Variants in NLRP3 observed in about 807,000 individuals in gnomAD.
NLRP3 encodes the protein NACHT, LRR and PYD domains-containing protein 3.
NLRP3 carries 48 observed loss-of-function variants against 91.3 expected under a neutral mutation model. The ratio of observed to expected loss-of-function variants is 0.53; its 90% CI spans 0.42 to 0.67. The LOEUF (loss-of-function observed/expected upper bound fraction) is 0.67. Ranked by LOEUF, NLRP3 falls within the 30% of genes least tolerant of loss-of-function variation. The pLI, the probability that NLRP3 is intolerant of heterozygous loss-of-function variation, is 0.00. For missense variants in NLRP3, 982 were observed against 1,276.9 expected (o/e 0.77, Z 3.52); for synonymous variants, 561 against 507.9 (o/e 1.10, Z -1.41).
chr1:247,436,608 T>C (rs979389720), intron 7 of NLRP3, among the ~76,000 whole-genome samples: 1 of 152,166 alleles, frequency 6.6e-6, no homozygotes, highest in African/African-American at 2.4e-5. Flanking sequence ...CCTTCACCTA[T>C]GTAGCCATGC....
intron 9 of NLRP3, among the ~76,000 whole-genome samples, chr1:247,445,924 A>C (rs1327102676): frequency 6.6e-6 from 1 of 152,098 alleles, no homozygotes; most frequent in Non-Finnish European, 1.5e-5. Context: ...TGGCCTCCAG[A>C]TTATATGTCC....
chr1:247,447,266 G>A (rs1224630626), intron 9 of NLRP3, among the ~76,000 whole-genome samples: 1 of 152,136 alleles, frequency 6.6e-6, no homozygotes, highest in African/African-American at 2.4e-5. Context: ...TTATGTGATT[G>A]CATGGAGGGA....
At chr1:247,419,144 T>A in intron 2 of NLRP3, 67 bp downstream of exon 2, 1 of 966,862 alleles carries the variant, frequency 1.0e-6, no homozygotes, top group Non-Finnish European at 1.4e-6. Context: ...TTTTCCATCT[T>A]TATATATATA....
At chr1:247,438,529 G>T (rs781215695) in intron 7 of NLRP3, among the ~76,000 whole-genome samples, 1 of 152,072 alleles carries the variant, frequency 6.6e-6, no homozygotes, top group Non-Finnish European at 1.5e-5. Flanking sequence ...GACTACAGGT[G>T]TGCACTGCCA....
At position 247,424,328 on chromosome 1, in the gene NLRP3, C is replaced by T. The variant is rs375738049; in HGVS notation, c.879C>T (p.Ser293=). The T allele has an allele frequency of 6.2e-7, 1 of 1,614,038 alleles. No homozygotes were observed. The highest frequency in any genetic ancestry group is 1.3e-5 in the African/African-American group (1 of 74,926). The stretch of plus-strand genomic sequence containing the variant: ...TCCACAAGATCGTGAGAAAACCCTC[C>T]AGAATCCTCTTCCTCATGGACGGCT... ...PPIHKIVRKP[S]RILFLMDGFD... Residue 293 remains serine, a synonymous_variant, in exon 4 of 10, where the codon TCC becomes TCT. Transcript: ENST00000336119. The surrounding 1 kb of genome is among the most constrained non-coding windows in gnomAD (Gnocchi z 8.1).
At chr1:247,437,757 G>C (rs1663898401) in intron 7 of NLRP3, among the ~76,000 whole-genome samples, 1 of 152,222 alleles carries the variant, frequency 6.6e-6, no homozygotes, top group Admixed American at 6.5e-5. Context: ...CTGTGTATAA[G>C]AGCTATAAGA....
intron 9 of NLRP3, among the ~76,000 whole-genome samples, chr1:247,447,097 T>C (rs2103252775): frequency 6.6e-6 from 1 of 152,284 alleles, no homozygotes; most frequent in African/African-American, 2.4e-5. Context: ...ATCAACCCGT[T>C]TTCTCAGGCT....
At chr1:247,433,424 C>T (rs965736980) in intron 5 of NLRP3, among the ~76,000 whole-genome samples, 16 of 152,286 alleles carry the variant, frequency 1.1e-4, no homozygotes, top group African/African-American at 3.9e-4. Flanking sequence ...CCCACACCGC[C>T]CGCTTCACTT....
At chr1:247,423,198 CT>C in intron 2 of NLRP3, 31 bp from the exon 3 acceptor site, 25 of 1,613,650 alleles carry the variant, frequency 1.5e-5, no homozygotes, top group Non-Finnish European at 2.1e-5. Flanking sequence ...GATAATAGTT[CT>C]GGGTTTTGAC....
chr1:247,445,392 G>C (rs1664521972), intron 9 of NLRP3, among the ~76,000 whole-genome samples: 1 of 151,978 alleles, frequency 6.6e-6, no homozygotes, highest in Non-Finnish European at 1.5e-5. Context: ...AGTAGAGTTG[G>C]GGTTTCACTG....
intron 7 of NLRP3, among the ~76,000 whole-genome samples, chr1:247,441,535 A>C (rs577783928): frequency 6.6e-6 from 1 of 152,322 alleles, no homozygotes; most frequent in Admixed American, 6.5e-5. Context: ...TTCAGTTTTC[A>C]TTATGAGACA....
intron 4 of NLRP3, among the ~76,000 whole-genome samples, chr1:247,427,391 A>G (rs1662969248): frequency 1.3e-5 from 2 of 152,250 alleles, no homozygotes; most frequent in African/African-American, 4.8e-5. Flanking sequence ...CTACTCATTA[A>G]GAGTGAGGTG....
At chr1:247,419,728 C>T (rs35817441) in intron 2 of NLRP3, among the ~76,000 whole-genome samples, 2 of 152,208 alleles carry the variant, frequency 1.3e-5, no homozygotes, top group Non-Finnish European at 2.9e-5. Context: ...CCGGGTTCAA[C>T]TATGTTGTAG....
At position 247,431,639 on chromosome 1, in the gene NLRP3, C is replaced by T. The variant is rs139523098; in HGVS notation, c.2321+1884C>T. Among the ~76,000 whole-genome samples, 841 of 152,296 alleles carry T rather than the reference C, an allele frequency of 5.5e-3. 3 individuals carry two copies. The highest frequency in any genetic ancestry group is 9.3e-3 in the Non-Finnish European group (634 of 68,034). On this transcript the variant is annotated intron_variant, in intron 5 of 9. Transcript: ENST00000336119. ...CTTAGTACCCATCAGTGGTCAAAAG[C>T]ACGCACTGAATGAATGTTGGCTCTT...
intron 7 of NLRP3, among the ~76,000 whole-genome samples, chr1:247,438,885 T>C (rs1027832275): frequency 2.0e-4 from 31 of 152,216 alleles, no homozygotes; most frequent in African/African-American, 6.8e-4. Flanking sequence ...AGCCCTCTTC[T>C]GAGAGAGCCA....
chr1:247,430,746 C>A (rs1272524192), intron 5 of NLRP3, among the ~76,000 whole-genome samples: 2 of 151,950 alleles, frequency 1.3e-5, no homozygotes, highest in Non-Finnish European at 2.9e-5. Context: ...ACAACAATGG[C>A]AACCTCACCT....
At chr1:247,443,828 C>T in intron 7 of NLRP3, 144 bp from the exon 8 acceptor site, 1 of 770,362 alleles carries the variant, frequency 1.3e-6, no homozygotes, top group Non-Finnish European at 2.2e-6. Flanking sequence ...CTTGCTCTCC[C>T]CAGATCATAT....
intron 2 of NLRP3, 30 bp downstream of exon 2, chr1:247,419,107 T>C (rs1395226829): frequency 1.9e-6 from 3 of 1,593,964 alleles, no homozygotes; most frequent in Non-Finnish European, 2.6e-6. Flanking sequence ...TTAAAAAAAA[T>C]TGTGGCCAAG....
intron 9 of NLRP3, 112 bp downstream of exon 9, chr1:247,444,933 G>C: frequency 8.8e-7 from 1 of 1,135,990 alleles, no homozygotes; most frequent in Non-Finnish European, 1.3e-6. Context: ...CTCAAGATTA[G>C]GTTGGGCCTG....
Sources: gnomAD v4.1 joint callset for allele counts (sites outside exome capture counted in the v4.1 genomes callset) on GRCh38, gnomAD v4.1.1 for gene constraint, Gnocchi (gnomAD v3.1) non-coding constraint, MANE v1.5 for transcripts, NCBI Gene and HGNC (gene_info 2026-07-23, HGNC 2026-07-21) for gene names.